The following RYR3 variants were observed in gnomAD, a reference collection of about 807,000 sequenced individuals.
RYR3 encodes ryanodine receptor 3.
In RYR3, 207 loss-of-function variants were observed where a neutral mutation model predicts 584.3. The ratio of observed to expected loss-of-function variants is 0.35; its 90% CI spans 0.32 to 0.40. The LOEUF is 0.40. Ranked by LOEUF, RYR3 falls within the 10% of genes least tolerant of loss-of-function variation. The pLI is 1.00. For missense variants in RYR3, 5,616 were observed against 6,089.2 expected (o/e 0.92, Z 2.59); for synonymous variants, 2,416 against 2,248.5 (o/e 1.07, Z -2.11).
chr15:33,419,778 G>A (rs1425683713), intron 1 of RYR3, among the ~76,000 whole-genome samples: 1 of 152,120 alleles, frequency 6.6e-6, no homozygotes, highest in Non-Finnish European at 1.5e-5. Context: ...CTTACAAGAC[G>A]TGAAGCAGAA....
Position 33,629,943 on chromosome 15 carries a change from C to T in RYR3, c.2683C>T (p.Arg895Ter), listed in dbSNP as rs865818862. ...TCTTTCTTATGTCACCACCTAGATA[C>T]GAGATGACAATAAAAGACAACACCC... ...IELGWTFGKI[R>*]DDNKRQHPCL... Residue 895 changes from arginine to a stop codon, truncating the protein, a stop_gained, in exon 22 of 104, where the codon CGA becomes TGA. Coordinates refer to ENST00000634891, the MANE Select transcript of RYR3 (RefSeq NM_001036.6). LOFTEE classifies it high-confidence loss of function. 6.4e-6 allele frequency: 10 copies of T among 1,574,076 alleles called. No individual in the cohort carries two copies. The highest frequency in any genetic ancestry group is 3.3e-4 in the Middle Eastern group (2 of 5,974).
chr15:33,558,270 C>T lies in RYR3; in HGVS notation c.973-4567C>T, dbSNP rs1207751767. Among the ~76,000 whole-genome samples, 26 of 151,458 alleles carry T rather than the reference C, an allele frequency of 1.7e-4. No individual in the cohort carries two copies. In the South Asian group the frequency reaches 2.8e-3, roughly 16 times the overall value. Reference sequence around the variant, plus strand: ...CATCCCCCCACCCCACAACAGGCCCCGGTGTGTGATGTTCCCCTTCCTGTG... The same window carrying T: ...CATCCCCCCACCCCACAACAGGCCCTGGTGTGTGATGTTCCCCTTCCTGTG... On this transcript the variant is annotated intron_variant, in intron 10 of 103. Transcript: ENST00000634891.
At chr15:33,804,886 T>C (rs2076100833) in intron 69 of RYR3, among the ~76,000 whole-genome samples, 3 of 152,190 alleles carry the variant, frequency 2.0e-5, no homozygotes, top group Admixed American at 1.3e-4. Flanking sequence ...TGGAGGTATG[T>C]GTATATGAAT....
At chr15:33,801,327 C>T (rs772434441) in intron 68 of RYR3, among the ~76,000 whole-genome samples, 24 of 152,082 alleles carry the variant, frequency 1.6e-4, no homozygotes, top group Admixed American at 3.3e-4. Context: ...CATATGTGGC[C>T]ACCCATAGAG....
In RYR3 at chr15:33,716,390, C is replaced by G. The variant is rs1249109441; in HGVS notation, c.6620-6325C>G. Among the ~76,000 whole-genome samples the G allele has an allele frequency of 2.0e-5, 3 of 152,128 alleles. No individual in the cohort carries two copies. The South Asian group carries it at 6.2e-4, about 32-fold the overall frequency. ...ACAGTCTTGCATACCCTACCTTCTTCGTTCTCCCACTGGACTCCCTGGAAT... is the reference window on the plus strand; with the variant it reads ...ACAGTCTTGCATACCCTACCTTCTTGGTTCTCCCACTGGACTCCCTGGAAT... On this transcript the variant is annotated intron_variant, in intron 43 of 103. Coordinates refer to ENST00000634891, the MANE Select transcript of RYR3 (RefSeq NM_001036.6).
At chr15:33,611,532 G>A (rs1022887097) in intron 18 of RYR3, among the ~76,000 whole-genome samples, 1 of 151,160 alleles carries the variant, frequency 6.6e-6, no homozygotes, top group Non-Finnish European at 1.5e-5. Flanking sequence ...CTCCAGCCTG[G>A]GCGACAGAGT....
At chr15:33,361,622 A>G (rs186483203) in intron 1 of RYR3, among the ~76,000 whole-genome samples, 1 of 152,316 alleles carries the variant, frequency 6.6e-6, no homozygotes, top group East Asian at 1.9e-4. Flanking sequence ...GGGGCTAAAT[A>G]AGCAGCAGAA....
chr15:33,366,459 G>A (rs1975512285), intron 1 of RYR3, among the ~76,000 whole-genome samples: 1 of 152,150 alleles, frequency 6.6e-6, no homozygotes, highest in Admixed American at 6.5e-5. Flanking sequence ...CATCTAAGAA[G>A]ATAAATTTAA....
At chr15:33,865,106 G>C (rs764900195) in intron 103 of RYR3, 25 bp from the exon 104 acceptor site, 28 of 1,564,836 alleles carry the variant, frequency 1.8e-5, no homozygotes, top group Non-Finnish European at 2.4e-5. Flanking sequence ...TTAAAAATAA[G>C]CACCCGTTGT....
In RYR3 at chr15:33,737,332, G is replaced by A. The variant is rs146574122; in HGVS notation, c.7515+1007G>A. ...AAATATTTTATCACTAGAGGCATCT[G>A]GGCCTGGTGGGAGGACACCAGAATC... On this transcript the variant is annotated intron_variant, in intron 49 of 103. Transcript: ENST00000634891. 9.4e-3 allele frequency among the ~76,000 whole-genome samples: 1,438 copies of A among 152,180 alleles called. 4 individuals are homozygous for A. The highest frequency in any genetic ancestry group is 0.016 in the African/African-American group (670 of 41,510).
chr15:33,673,322 A>G (rs1296311942), intron 38 of RYR3, among the ~76,000 whole-genome samples: 2 of 152,194 alleles, frequency 1.3e-5, no homozygotes, highest in Non-Finnish European at 2.9e-5. Flanking sequence ...ACCTGCAGAG[A>G]AGCCACAACT....
chr15:33,748,736 T>G (rs938618296), intron 55 of RYR3, among the ~76,000 whole-genome samples: 2 of 152,154 alleles, frequency 1.3e-5, no homozygotes, highest in African/African-American at 4.8e-5. Context: ...GCGCTTCTTC[T>G]AAGGACTTCA....
At chr15:33,442,854 G>T (rs975563872) in intron 1 of RYR3, among the ~76,000 whole-genome samples, 1 of 152,200 alleles carries the variant, frequency 6.6e-6, no homozygotes, top group Admixed American at 6.5e-5. Context: ...ACCACAAGGG[G>T]CTATAACAAA....
chr15:33,761,292 TA>T (rs1226275951), intron 60 of RYR3, among the ~76,000 whole-genome samples: 2 of 152,122 alleles, frequency 1.3e-5, no homozygotes, highest in East Asian at 3.9e-4. Context: ...GAAAAACCCT[TA>T]AAAAAATCAG....
chr15:33,606,492 G>A (rs1333095786), intron 18 of RYR3, among the ~76,000 whole-genome samples: 1 of 152,196 alleles, frequency 6.6e-6, no homozygotes, highest in East Asian at 1.9e-4. Context: ...GTATGAATGA[G>A]CTTTTTCTCT....
intron 98 of RYR3, among the ~76,000 whole-genome samples, chr15:33,855,172 G>A (rs2079518799): frequency 6.6e-6 from 1 of 152,038 alleles, no homozygotes; most frequent in Non-Finnish European, 1.5e-5. Context: ...GAGGGAGGGA[G>A]GTGATGGACA....
chr15:33,854,635 GC>G (rs1361608152), intron 97 of RYR3, 130 bp from the exon 98 acceptor site: 3 of 1,242,722 alleles, frequency 2.4e-6, no homozygotes, highest in African/African-American at 3.0e-5. Context: ...CAGATCTTGG[GC>G]CAGCTCACAG....
At chr15:33,733,055 A>G (rs2069102059) in intron 48 of RYR3, among the ~76,000 whole-genome samples, 1 of 152,268 alleles carries the variant, frequency 6.6e-6, no homozygotes, top group Non-Finnish European at 1.5e-5. Flanking sequence ...ATAGCACTAC[A>G]CACATATCAG....
chr15:33,663,780 A>G, intron 36 of RYR3, 43 bp downstream of exon 36: 1 of 1,522,052 alleles, frequency 6.6e-7, no homozygotes, highest in Non-Finnish European at 8.9e-7. Flanking sequence ...CTATGGAAGA[A>G]CTTGAGACCT....
Sources: gnomAD v4.1 joint callset for allele counts (sites outside exome capture counted in the v4.1 genomes callset) on GRCh38, gnomAD v4.1.1 for gene constraint, MANE v1.5 for transcripts, NCBI Gene and HGNC (gene_info 2026-07-23, HGNC 2026-07-21) for gene names.